The following ERC2 variants were observed in gnomAD, a reference collection of about 807,000 sequenced individuals.
ERC2 encodes the protein ELKS/RAB6-interacting/CAST family member 2, also known as ERC protein 2.
In ERC2, 42 loss-of-function variants were observed where a neutral mutation model predicts 114.8. The ratio of observed to expected loss-of-function variants is 0.37; its 90% CI spans 0.29 to 0.47. The LOEUF (loss-of-function observed/expected upper bound fraction) is 0.47. Ranked by LOEUF, ERC2 falls within the 20% of genes least tolerant of loss-of-function variation. ERC2 has a pLI of 0.99. For missense variants in ERC2, 939 were observed against 1,150.7 expected (o/e 0.82, Z 2.66); for synonymous variants, 454 against 425.5 (o/e 1.07, Z -0.82).
intron 6 of ERC2, among the ~76,000 whole-genome samples, chr3:56,136,752 G>A (rs1386755649): frequency 2.0e-5 from 3 of 151,992 alleles, no homozygotes; most frequent in Non-Finnish European, 4.4e-5. Context: ...CTCCCCCTAA[G>A]AGACAGACGT....
intron 17 of ERC2, among the ~76,000 whole-genome samples, chr3:55,617,470 T>C (rs928835679): frequency 6.6e-6 from 1 of 152,218 alleles, no homozygotes; most frequent in Admixed American, 6.5e-5. Flanking sequence ...ACTTACCAAG[T>C]TGGGCTGAGG....
At chr3:56,394,474 A>G (rs2060234655) in intron 2 of ERC2, among the ~76,000 whole-genome samples, 1 of 152,222 alleles carries the variant, frequency 6.6e-6, no homozygotes, top group Non-Finnish European at 1.5e-5. Context: ...ATAAAAATCA[A>G]TATAATCTAG....
intron 7 of ERC2, among the ~76,000 whole-genome samples, chr3:56,075,488 C>CA (rs1247524443): frequency 1.3e-5 from 2 of 152,164 alleles, no homozygotes; most frequent in Non-Finnish European, 2.9e-5. Flanking sequence ...GATATTCTTA[C>CA]AAAAAATTCC....
intron 15 of ERC2, among the ~76,000 whole-genome samples, chr3:55,700,236 AG>A (rs1464055574): frequency 6.6e-6 from 1 of 152,208 alleles, no homozygotes; most frequent in East Asian, 1.9e-4. Context: ...ATGCAGGGCA[AG>A]AAATGGACCA....
At chr3:55,767,381 GCAAGGCCAC>G (rs781099014) in intron 14 of ERC2, among the ~76,000 whole-genome samples, 77 of 152,178 alleles carry the variant, frequency 5.1e-4, no homozygotes, top group Non-Finnish European at 9.1e-4. Context: ...AGAGGCTTCG[GCAAGGCCAC>G]CTATTCAGTT....
chr3:55,559,964 A>C (rs1370338303), intron 17 of ERC2, among the ~76,000 whole-genome samples: 1 of 152,166 alleles, frequency 6.6e-6, no homozygotes, highest in Non-Finnish European at 1.5e-5. Context: ...ATCCATCCCT[A>C]CCCTTGGAGC....
intron 3 of ERC2, among the ~76,000 whole-genome samples, chr3:56,198,675 T>C (rs2048241925): frequency 2.0e-5 from 3 of 152,206 alleles, no homozygotes; most frequent in African/African-American, 7.2e-5. Flanking sequence ...AATCCAATTT[T>C]TGTACAAGTT....
At chr3:55,899,809 C>G (rs1233802979) in intron 13 of ERC2, among the ~76,000 whole-genome samples, 2 of 151,952 alleles carry the variant, frequency 1.3e-5, no homozygotes, top group East Asian at 3.9e-4. Flanking sequence ...TTCACATACT[C>G]TATTATATAT....
At chr3:55,683,731 G>A (rs548407058) in intron 17 of ERC2, 63 bp downstream of exon 17, 42 of 1,303,394 alleles carry the variant, frequency 3.2e-5, no homozygotes, top group Non-Finnish European at 4.0e-5. Context: ...AATCGAGCAC[G>A]CACACAATAC....
intron 14 of ERC2, among the ~76,000 whole-genome samples, chr3:55,876,086 T>C (rs528438806): frequency 5.3e-5 from 8 of 152,204 alleles, no homozygotes; most frequent in Non-Finnish European, 1.2e-4. Flanking sequence ...CAAACATTTA[T>C]TGAATGTTTA....
intron 12 of ERC2, among the ~76,000 whole-genome samples, chr3:55,983,789 A>G (rs1559973313): frequency 6.6e-6 from 1 of 152,224 alleles, no homozygotes; most frequent in Admixed American, 6.5e-5. Context: ...ACACATATAT[A>G]TACATATATG....
intron 12 of ERC2, among the ~76,000 whole-genome samples, chr3:55,968,260 A>G (rs2068901323): frequency 6.6e-6 from 1 of 152,156 alleles, no homozygotes; most frequent in African/African-American, 2.4e-5. Flanking sequence ...TTTATTTTCT[A>G]TGTTGCTGTT....
chr3:55,559,212 T>G (rs549248099), intron 17 of ERC2, among the ~76,000 whole-genome samples: 9 of 152,340 alleles, frequency 5.9e-5, no homozygotes, highest in Admixed American at 5.9e-4. Context: ...CTCCTGAGCC[T>G]TCTGAAAGTT....
chr3:55,694,978 A>G (rs1478055439), intron 16 of ERC2, among the ~76,000 whole-genome samples: 1 of 152,220 alleles, frequency 6.6e-6, no homozygotes, highest in African/African-American at 2.4e-5. Flanking sequence ...AATGAGCTTA[A>G]TAAAATATGA....
chr3:55,669,444 T>C (rs2148730160), intron 17 of ERC2, among the ~76,000 whole-genome samples: 1 of 152,352 alleles, frequency 6.6e-6, no homozygotes, highest in African/African-American at 2.4e-5. Flanking sequence ...TTCCAATATT[T>C]TAAGTAACTA....
intron 14 of ERC2, among the ~76,000 whole-genome samples, chr3:55,785,239 T>G (rs1300985809): frequency 6.6e-6 from 1 of 152,236 alleles, no homozygotes; most frequent in Non-Finnish European, 1.5e-5. Flanking sequence ...GTCTTAATCT[T>G]CCTGCTTAGC....
At chr3:56,148,398 G>A (rs1436917229) in intron 5 of ERC2, among the ~76,000 whole-genome samples, 1 of 152,060 alleles carries the variant, frequency 6.6e-6, no homozygotes, top group African/African-American at 2.4e-5. Flanking sequence ...TGATTCTCCT[G>A]CCTCAGCCTC....
intron 2 of ERC2, among the ~76,000 whole-genome samples, chr3:56,409,282 A>C (rs568502752): frequency 6.6e-6 from 1 of 152,096 alleles, no homozygotes; most frequent in African/African-American, 2.4e-5. Context: ...TGTTTGTTTT[A>C]TATTTAAAAA....
intron 6 of ERC2, among the ~76,000 whole-genome samples, chr3:56,084,306 G>C (rs962256222): frequency 3.3e-5 from 5 of 152,132 alleles, no homozygotes; most frequent in African/African-American, 1.2e-4. Context: ...ACAACATGGA[G>C]ATTTCTCAAA....
Sources: allele counts gnomAD v4.1 joint callset (sites outside exome capture counted in the v4.1 genomes callset), GRCh38; gene constraint gnomAD v4.1.1; transcripts MANE v1.5; gene names NCBI Gene and HGNC (gene_info 2026-07-23, HGNC 2026-07-21).